Variants in NAA35 observed in about 807,000 individuals in gnomAD.
The protein encoded by NAA35 is N-alpha-acetyltransferase 35, NatC auxiliary subunit, also known as MAK10 homolog, amino-acid N-acetyltransferase subunit.
A neutral mutation model predicts 101.7 loss-of-function variants in NAA35; 18 were observed. That is an observed-to-expected ratio of 0.18 (90% confidence interval 0.12 to 0.26). The LOEUF (loss-of-function observed/expected upper bound fraction) is 0.26. Ranked by LOEUF, NAA35 falls within the 10% of genes least tolerant of loss-of-function variation. NAA35 has a pLI of 1.00. For synonymous variants in NAA35, 267 were observed against 273.1 expected (o/e 0.98, Z 0.22); for missense variants, 601 against 886.8 (o/e 0.68, Z 4.09).
chr9:85,952,031 C>G (rs1025069903), intron 2 of NAA35, among the ~76,000 whole-genome samples: 1 of 152,184 alleles, frequency 6.6e-6, no homozygotes, highest in African/African-American at 2.4e-5. Flanking sequence ...ACTACCAGTA[C>G]AGAAAGCTCT....
chr9:86,000,201 T>C (rs1831360552), intron 12 of NAA35, among the ~76,000 whole-genome samples: 1 of 152,200 alleles, frequency 6.6e-6, no homozygotes, highest in Non-Finnish European at 1.5e-5. Flanking sequence ...ATCACATTTA[T>C]TGATTTTTTT....
At chr9:85,946,063 C>G (rs1160310930) in intron 2 of NAA35, among the ~76,000 whole-genome samples, 1 of 151,490 alleles carries the variant, frequency 6.6e-6, no homozygotes, top group Non-Finnish European at 1.5e-5. Context: ...TGTTGTTTTG[C>G]CTGATAGGAA....
chr9:86,011,449 C>G (rs190888508), intron 15 of NAA35, among the ~76,000 whole-genome samples: 14 of 151,054 alleles, frequency 9.3e-5, no homozygotes, highest in African/African-American at 2.2e-4. Context: ...ACCTCTACCC[C>G]CTGGGTTCAA....
At chr9:85,981,644 G>C (rs1351337379) in intron 11 of NAA35, among the ~76,000 whole-genome samples, 5 of 152,110 alleles carry the variant, frequency 3.3e-5, no homozygotes, top group Admixed American at 1.3e-4. Flanking sequence ...AAATTGGCTT[G>C]AATAAACCTT....
At chr9:85,991,856 C>G (rs1830926219) in intron 11 of NAA35, among the ~76,000 whole-genome samples, 1 of 151,954 alleles carries the variant, frequency 6.6e-6, no homozygotes, top group South Asian at 2.1e-4. Flanking sequence ...CTGGCTGTAC[C>G]CAAATATCAT....
intron 11 of NAA35, among the ~76,000 whole-genome samples, chr9:85,991,020 T>A (rs1043169266): frequency 2.6e-5 from 4 of 152,158 alleles, no homozygotes; most frequent in African/African-American, 2.4e-5. Context: ...TCACTGCTTC[T>A]AAAGTGAGTG....
chr9:85,971,873 C>G (rs1050902347), intron 6 of NAA35, among the ~76,000 whole-genome samples: 1 of 151,598 alleles, frequency 6.6e-6, no homozygotes, highest in East Asian at 1.9e-4. Context: ...TTACTCTCCC[C>G]ACTGTTGCAA....
chr9:85,976,226 C>T (rs985982318), intron 8 of NAA35, among the ~76,000 whole-genome samples: 45 of 152,104 alleles, frequency 3.0e-4, no homozygotes, highest in African/African-American at 1.0e-3. Flanking sequence ...ATAAAATTGT[C>T]CACTATAACA....
intron 13 of NAA35, among the ~76,000 whole-genome samples, chr9:86,006,387 A>G (rs913809930): frequency 6.6e-6 from 1 of 152,160 alleles, no homozygotes. Context: ...GATCATCAAA[A>G]ACAGACAACC....
At chr9:86,009,989 C>CG in intron 15 of NAA35, 58 bp downstream of exon 15, 5 of 1,410,198 alleles carry the variant, frequency 3.5e-6, no homozygotes, top group Non-Finnish European at 4.0e-6. Context: ...GGGCTGTGGC[C>CG]GGGCACGGTG....
intron 11 of NAA35, among the ~76,000 whole-genome samples, chr9:85,978,679 A>G (rs528888329): frequency 6.6e-6 from 1 of 152,300 alleles, no homozygotes; most frequent in East Asian, 1.9e-4. Context: ...AAGCCAGCGC[A>G]ATGAGAACAG....
intron 2 of NAA35, among the ~76,000 whole-genome samples, chr9:85,947,820 C>A (rs936106090): frequency 1.3e-5 from 2 of 152,124 alleles, no homozygotes; most frequent in African/African-American, 4.8e-5. Flanking sequence ...CCTCTCAAAC[C>A]CTGAATTCTT....
chr9:86,002,118 C>G (rs1308033343), intron 12 of NAA35, among the ~76,000 whole-genome samples: 1 of 152,130 alleles, frequency 6.6e-6, no homozygotes, highest in African/African-American at 2.4e-5. Context: ...TTCTCCTTCA[C>G]TTAGGAAGGT....
At chr9:85,996,613 A>G in intron 12 of NAA35, 36 bp downstream of exon 12, 1 of 1,448,984 alleles carries the variant, frequency 6.9e-7, no homozygotes, top group African/African-American at 1.5e-5. Flanking sequence ...TGTAACTTCC[A>G]TTTAAAAAAA....
intron 11 of NAA35, among the ~76,000 whole-genome samples, chr9:85,985,364 A>G (rs1830604013): frequency 6.6e-6 from 1 of 152,264 alleles, no homozygotes; most frequent in South Asian, 2.1e-4. Flanking sequence ...TCAAATGTCC[A>G]TCAGTGGATG....
intron 2 of NAA35, among the ~76,000 whole-genome samples, chr9:85,955,659 G>A (rs1179128104): frequency 3.9e-5 from 6 of 152,096 alleles, no homozygotes; most frequent in South Asian, 2.1e-4. Context: ...CACCTGGCCC[G>A]GCTGCCATCA....
chr9:85,962,265 C>T (rs1587578603), intron 6 of NAA35, 85 bp downstream of exon 6: 2 of 1,306,310 alleles, frequency 1.5e-6, no homozygotes, highest in East Asian at 2.4e-5. Context: ...CCAAGGTGGG[C>T]AGATCACCTG....
intron 2 of NAA35, among the ~76,000 whole-genome samples, chr9:85,946,249 A>G (rs900136886): frequency 2.0e-5 from 3 of 152,080 alleles, no homozygotes; most frequent in Non-Finnish European, 4.4e-5. Flanking sequence ...GGTTCAAGCA[A>G]TCCTCTCATC....
At chr9:85,956,103 G>A (rs950054531) in intron 2 of NAA35, among the ~76,000 whole-genome samples, 4 of 152,020 alleles carry the variant, frequency 2.6e-5, no homozygotes, top group African/African-American at 9.7e-5. Flanking sequence ...GAATATTATG[G>A]CCTGCGATGG....
Sources: allele counts gnomAD v4.1 joint callset (sites outside exome capture counted in the v4.1 genomes callset), GRCh38; gene constraint gnomAD v4.1.1; transcripts MANE v1.5; gene names NCBI Gene and HGNC (gene_info 2026-07-23, HGNC 2026-07-21).